TBX22: variants seen among roughly 807,000 people sequenced by gnomAD.
The protein encoded by TBX22 is T-box transcription factor 22.
In TBX22, 8 loss-of-function variants were observed where a neutral mutation model predicts 30.1. The observed-to-expected ratio is 0.27, with a 90% CI of 0.16 to 0.48. The LOEUF (loss-of-function observed/expected upper bound fraction) is 0.48, where lower values mean the gene tolerates loss of function less well. Ranked by LOEUF, TBX22 falls within the 20% of genes least tolerant of loss-of-function variation. TBX22 has a pLI of 0.99. For synonymous variants in TBX22, 173 were observed against 149.1 expected, an observed-to-expected ratio of 1.16 and a Z score of -1.17; for missense variants, 463 against 400.5, an observed-to-expected ratio of 1.16 and a Z score of -1.33.
Position 80,022,999 on chromosome X carries a change from G to A in TBX22, c.176-61G>A. The stretch of plus-strand genomic sequence containing the variant: ...TCTGCTCCAAGATAGGCACCAGCGA[G>A]AAGTGGGCATGTGAACTGTGACGCT... On this transcript the variant is annotated intron_variant, in intron 2 of 8. Coordinates refer to ENST00000373296, the MANE Select transcript of TBX22 (RefSeq NM_001109878.2). The A allele has an allele frequency of 2.7e-6, 3 of 1,122,404 alleles. No individual in the cohort carries two copies. The South Asian group carries it at 5.6e-5, about 21-fold the overall frequency. 92.5% of individuals were successfully genotyped at this position (1,122,404 alleles called of 1,213,427 possible). A position where few individuals can be genotyped will look rare whatever the true frequency, so the allele number is the denominator to read the frequency against.
At position 80,022,698 on chromosome X, in the gene TBX22, C is replaced by T. The variant is rs191714106; in HGVS notation, c.175+254C>T. The T allele has an allele frequency of 1.6e-4, 69 of 433,278 alleles. 1 individual carries two copies. In the East Asian group the frequency reaches 2.5e-3, roughly 15 times the overall value. 35.7% of individuals were successfully genotyped at this position (433,278 alleles called of 1,213,427 possible). ...ATCCTCCTCCTACCTTCGCGGAAAG[C>T]TCTCACCGCCAGCGGGTGGCTGCTG... On this transcript the variant is annotated intron_variant, in intron 2 of 8. Coordinates refer to ENST00000373296, the MANE Select transcript of TBX22 (RefSeq NM_001109878.2).
intron 1 of TBX22, among the ~76,000 whole-genome samples, chrX:80,018,787 A>T (rs1923557980): frequency 8.9e-6 from 1 of 112,066 alleles, no homozygotes; most frequent in African/African-American, 3.2e-5. Context: ...ATAGCTTTAA[A>T]TGGTTAAAAC....
At chrX:80,018,573 C>A (rs1208862314) in intron 1 of TBX22, among the ~76,000 whole-genome samples, 3 of 111,975 alleles carry the variant, frequency 2.7e-5, no homozygotes, top group Admixed American at 1.9e-4. Flanking sequence ...TCAAAGAATT[C>A]ACAGCTGTAT....
intron 1 of TBX22, among the ~76,000 whole-genome samples, chrX:80,015,614 A>C (rs1211724080): frequency 8.9e-6 from 1 of 111,866 alleles, no homozygotes; most frequent in Non-Finnish European, 1.9e-5. Flanking sequence ...GAGCTCATAC[A>C]CCGCATTGTA....
intron 1 of TBX22, among the ~76,000 whole-genome samples, chrX:80,015,438 G>T (rs1165062397): frequency 8.9e-6 from 1 of 112,602 alleles, no homozygotes; most frequent in Non-Finnish European, 1.9e-5. Context: ...AGGAGCTCTA[G>T]ATCCACAGAG....
Position 80,030,920 on chromosome X carries a change from T to C in TBX22, c.1372T>C (p.Ser458Pro), listed in dbSNP as rs1288986462. 1 of 1,209,911 alleles carries C rather than the reference T, an allele frequency of 8.3e-7. No individual in the cohort carries two copies. The highest frequency in any genetic ancestry group is 1.7e-5 in the African/African-American group (1 of 57,403). The change falls in exon 9 of 9, where the codon TCC (serine) becomes CCC (proline). Residue 458 changes from serine (S) to proline (P), a missense_variant. Coordinates refer to ENST00000373296, the MANE Select transcript of TBX22 (RefSeq NM_001109878.2). Reference protein sequence around the residue: ...QSPGNIFLPNSITPEALSCSF... With the variant: ...QSPGNIFLPNPITPEALSCSF... ...ACCTGGAAATATTTTTCTGCCAAAC[T>C]CCATCACCCCAGAAGCACTTAGTTG...
In TBX22 at chrX:80,030,807, A is replaced by G. The variant is rs1924215824; in HGVS notation, c.1259A>G (p.Asn420Ser). The G allele has an allele frequency of 5.0e-6, 6 of 1,210,180 alleles. No individual in the cohort carries two copies. Among genetic ancestry groups the G allele is most frequent in the Non-Finnish European group, 6.7e-6 (6 of 895,098 alleles). The change falls in exon 9 of 9, where the codon AAT becomes AGT. Residue 420 changes from asparagine to serine, a missense_variant. Asn to Ser is a conservative substitution (Grantham distance 46). Transcript: ENST00000373296. Reference protein sequence around the residue: ...VPMLSSLGVTNSKSGSSEDSS... With the variant: ...VPMLSSLGVTSSKSGSSEDSS... ...ATGTTATCTTCCCTGGGGGTCACCA[A>G]TTCAAAAAGCGGTTCATCTGAAGAC... is the stretch of plus-strand genomic sequence containing the variant.
intron 3 of TBX22, among the ~76,000 whole-genome samples, chrX:80,023,534 T>C (rs1213820629): frequency 9.0e-6 from 1 of 111,488 alleles, no homozygotes; most frequent in Admixed American, 9.5e-5. Context: ...TCTTAGACTG[T>C]GGCCAGACCT....
intron 1 of TBX22, among the ~76,000 whole-genome samples, chrX:80,021,510 A>G (rs1923690295): frequency 8.9e-6 from 1 of 112,138 alleles, no homozygotes; most frequent in Non-Finnish European, 1.9e-5. Context: ...TGGAGAGCAA[A>G]AGACCCTGAT....
intron 1 of TBX22, among the ~76,000 whole-genome samples, chrX:80,017,224 A>G (rs113673372): frequency 0.026 from 2,797 of 109,362 alleles, 85 homozygotes; most frequent in African/African-American, 0.086. Context: ...GTGCCAATGG[A>G]GCACCAGAGA....
chrX:80,023,355 C>T, intron 3 of TBX22, 115 bp downstream of exon 3: 1 of 738,794 alleles, frequency 1.4e-6, no homozygotes, highest in African/African-American at 2.1e-5. Flanking sequence ...TGTCCCTTTT[C>T]CCCAACTCCC....
intron 1 of TBX22, among the ~76,000 whole-genome samples, chrX:80,018,094 G>A (rs1248108193): frequency 8.9e-6 from 1 of 112,001 alleles, no homozygotes; most frequent in Non-Finnish European, 1.9e-5. Context: ...CTCAAGACTA[G>A]ATGAATAAAA....
At chrX:80,022,215 T>A in intron 1 of TBX22, 53 bp from the exon 2 acceptor site, 1 of 1,162,701 alleles carries the variant, frequency 8.6e-7, no homozygotes, top group Non-Finnish European at 1.2e-6. Context: ...CCTCCCTCCC[T>A]AACCCAGTTC....
chrX:80,021,755 A>G (rs1193115125), intron 1 of TBX22, among the ~76,000 whole-genome samples: 1 of 111,805 alleles, frequency 8.9e-6, no homozygotes. Context: ...CAGTGGAGGC[A>G]GTGACCGGCT....
chrX:80,021,067 C>T (rs1251354901), intron 1 of TBX22, among the ~76,000 whole-genome samples: 1 of 108,839 alleles, frequency 9.2e-6, no homozygotes, highest in Non-Finnish European at 1.9e-5. Flanking sequence ...AAGTCTCTTC[C>T]TGAAAAAAAA....
chrX:80,026,968 C>G, intron 6 of TBX22, 100 bp downstream of exon 6: 2 of 874,490 alleles, frequency 2.3e-6, no homozygotes, highest in South Asian at 2.1e-5. Context: ...TTCCACAATT[C>G]TAAATAAAAA....
chrX:80,028,416 T>G (rs1924086976), intron 8 of TBX22, among the ~76,000 whole-genome samples: 1 of 112,563 alleles, frequency 8.9e-6, no homozygotes, highest in Admixed American at 9.4e-5. Flanking sequence ...CAGCCTGATT[T>G]GCAAATATGT....
rs373621587 is a variant in TBX22, at chrX:80,015,181, G to A, written c.-3+294G>A. On this transcript the variant is annotated intron_variant, in intron 1 of 8. Coordinates refer to ENST00000373296, the MANE Select transcript of TBX22 (RefSeq NM_001109878.2). ...TATGCTGTAATACCCAAAGAAGCCA[G>A]CAATAGTCCCTCTCCTAGGCAGCAA... is the stretch of plus-strand genomic sequence containing the variant. 5.3e-5 allele frequency among the ~76,000 whole-genome samples: 6 copies of A among 112,248 alleles called. No individual in the cohort carries two copies. The East Asian group carries it at 1.4e-3, about 27-fold the overall frequency.
intron 6 of TBX22, 125 bp downstream of exon 6, chrX:80,026,993 T>A (rs1924006996): frequency 2.5e-5 from 19 of 750,556 alleles, no homozygotes; most frequent in Non-Finnish European, 3.7e-5. Context: ...AGTTTTATTG[T>A]ATTGTCATCC....
Sources: allele counts gnomAD v4.1 joint callset (sites outside exome capture counted in the v4.1 genomes callset), GRCh38; gene constraint gnomAD v4.1.1; transcripts MANE v1.5; gene names NCBI Gene and HGNC (gene_info 2026-07-23, HGNC 2026-07-21).